MED13: variants seen among roughly 807,000 people sequenced by gnomAD.
MED13 encodes mediator of RNA polymerase II transcription subunit 13.
MED13 carries 23 observed loss-of-function variants against 225.2 expected under a neutral mutation model. The observed-to-expected ratio is 0.10, with a 90% CI of 0.07 to 0.14. The LOEUF (loss-of-function observed/expected upper bound fraction) is 0.14, where lower values mean the gene tolerates loss of function less well. Ranked by LOEUF, MED13 falls within the 10% of genes least tolerant of loss-of-function variation. The probability of loss-of-function intolerance (pLI) is 1.00; values close to 1 mark genes in which losing one functional copy is unlikely to be tolerated. For missense variants in MED13, 2,197 were observed against 2,594.5 expected (o/e 0.85, Z 3.33); for synonymous variants, 942 against 889.2 (o/e 1.06, Z -1.06).
chr17:62,042,008 G>GC (rs896303858), intron 3 of MED13, among the ~76,000 whole-genome samples: 10 of 152,110 alleles, frequency 6.6e-5, no homozygotes, highest in African/African-American at 2.2e-4. Context: ...TAAGACACAG[G>GC]CATCAATAAT....
intron 8 of MED13, among the ~76,000 whole-genome samples, chr17:62,019,415 TC>T (rs2080615607): frequency 6.6e-6 from 1 of 152,182 alleles, no homozygotes; most frequent in South Asian, 2.1e-4. Context: ...TACTTTGCAG[TC>T]TTCGGTAATT....
At position 62,014,558 on chromosome 17, in the gene MED13, C is replaced by T. The variant is rs1056292238; in HGVS notation, c.1284-3325G>A. Among the ~76,000 whole-genome samples, 5 of 152,272 alleles carry T rather than the reference C, an allele frequency of 3.3e-5. No individual in the cohort carries two copies. In the South Asian group the frequency reaches 1.0e-3, roughly 32 times the overall value. ...TCTTGAACTCTTGACCTCAAAAGAT[C>T]TACCCACCTCGGCCTCCCAAAATGC... On this transcript the variant is annotated intron_variant, in intron 8 of 29. Transcript: ENST00000397786.
chr17:61,970,094 A>G (rs1603393937), intron 17 of MED13, among the ~76,000 whole-genome samples: 1 of 152,228 alleles, frequency 6.6e-6, no homozygotes, highest in African/African-American at 2.4e-5. Context: ...GTACTGTTCA[A>G]AGCTCTTTGC....
Position 61,944,041 on chromosome 17 carries a change from A to C in MED13, c.*2427T>G, listed in dbSNP as rs1313799135. 1 of 152,616 alleles carries C rather than the reference A, an allele frequency of 6.6e-6. No homozygotes were observed. Among genetic ancestry groups the C allele is most frequent in the Admixed American group, 6.5e-5 (1 of 15,274 alleles). The allele number at this position is 152,616 out of a possible 1,614,324, so 9.5% of individuals were successfully genotyped here. A position where few individuals can be genotyped will look rare whatever the true frequency, so the allele number is the denominator to read the frequency against. On this transcript the variant is annotated 3_prime_UTR_variant, in exon 30 of 30. Transcript: ENST00000397786. Reference sequence around the variant, plus strand: ...AGTCTACTGAGCTTTTCTAATGGTTATTTAATAACTTTCCATTGAGTTTGA... The same window carrying C: ...AGTCTACTGAGCTTTTCTAATGGTTCTTTAATAACTTTCCATTGAGTTTGA...
Position 61,982,392 on chromosome 17 carries a change from C to T in MED13, c.3611G>A (p.Gly1204Glu). 1 of 1,614,162 alleles carries T rather than the reference C, an allele frequency of 6.2e-7. No individual in the cohort carries two copies. Among genetic ancestry groups the T allele is most frequent in the Non-Finnish European group, 8.5e-7 (1 of 1,180,030 alleles). ...AGGAAAAGGATCTTGGTCTGCTGCT[C>T]CAAAGGGTGAAAATAAATTAGTGCA... ...DQCTNLFSPF[G>E]AADQDPFPKS... Residue 1204 changes from glycine to glutamate, a missense_variant, in exon 16 of 30, where the codon GGA (glycine) becomes GAA (glutamate). Gly to Glu is a moderately conservative substitution (Grantham distance 98). Transcript: ENST00000397786.
rs920207346 is a variant in MED13, at chr17:61,942,834, C to T, written c.*3634G>A. On this transcript the variant is annotated 3_prime_UTR_variant, in exon 30 of 30. Transcript: ENST00000397786. ...TGCTAAACAACAACTTTAAAACGCC[C>T]CTTCATAAAGTGACCAAGCTATTTT... 2.0e-5 allele frequency: 3 copies of T among 152,348 alleles called. No individual in the cohort carries two copies. Among genetic ancestry groups the T allele is most frequent in the Admixed American group, 6.6e-5 (1 of 15,252 alleles). 9.4% of individuals were successfully genotyped at this position (152,348 alleles called of 1,614,324 possible).
At chr17:61,996,414 T>G (rs2080347354) in intron 9 of MED13, among the ~76,000 whole-genome samples, 1 of 152,182 alleles carries the variant, frequency 6.6e-6, no homozygotes, top group Non-Finnish European at 1.5e-5. Context: ...AATGACTATT[T>G]CACTCTGAGA....
At chr17:61,947,117 T>C (rs538717660) in intron 28 of MED13, 100 bp from the exon 29 acceptor site, 2 of 757,784 alleles carry the variant, frequency 2.6e-6, no homozygotes, top group African/African-American at 1.8e-5. Context: ...AATGATGAAA[T>C]ACATTTTAGT....
At chr17:61,961,533 A>AAG in intron 22 of MED13, 55 bp downstream of exon 22, 1 of 1,332,902 alleles carries the variant, frequency 7.5e-7, no homozygotes, top group Non-Finnish European at 1.0e-6. Flanking sequence ...AAAAAAAAAA[A>AAG]AAAAAAAAGG....
intron 1 of MED13, 33 bp downstream of exon 1, chr17:62,065,107 C>A (rs964632467): frequency 8.5e-6 from 13 of 1,521,100 alleles, no homozygotes; most frequent in Non-Finnish European, 1.1e-5. Flanking sequence ...TCGCGGCCCC[C>A]CTCCCTCGGC....
intron 9 of MED13, among the ~76,000 whole-genome samples, chr17:62,008,016 C>CAAAAAAAAAAAAAAAAAAAAA (rs60236710): frequency 3.0e-4 from 15 of 50,504 alleles, no homozygotes; most frequent in African/African-American, 1.0e-3. Flanking sequence ...GAGACTGTCT[C>CAAAAAAAAAAAAAAAAAAAAA]AAAAAAAAAA....
chr17:62,063,193 G>C lies in MED13; in HGVS notation c.175C>G (p.Arg59Gly). Residue 59 changes from arginine to glycine, a missense_variant, in exon 2 of 30, where the codon CGC becomes GGC. Arg to Gly is a moderately radical substitution (Grantham distance 125). Around this residue, in one of 12 missense-constraint regions of MED13, gnomAD observed 884 missense variants for 918.5 expected, o/e 0.96. Transcript: ENST00000397786. ...EEDPILSSFS[R>G]CLKADVLGVW... The stretch of plus-strand genomic sequence containing the variant: ...CCAAGTACATCTGCCTTAAGGCAGC[G>C]ACTAAAACTGCTCAAAATGGGGTCT... 2 of 1,614,094 alleles carry C rather than the reference G, an allele frequency of 1.2e-6. No homozygotes were observed. Among genetic ancestry groups the C allele is most frequent in the Non-Finnish European group, 1.7e-6 (2 of 1,179,990 alleles).
chr17:61,958,524 AGACAGG>A (rs1473328037), intron 23 of MED13, among the ~76,000 whole-genome samples: 2 of 151,878 alleles, frequency 1.3e-5, no homozygotes, highest in Non-Finnish European at 2.9e-5. Flanking sequence ...TTTTTAGTAG[AGACAGG>A]GTTTCAGCAT....
Position 62,065,129 on chromosome 17 carries a change from C to T in MED13, c.66+11G>A, listed in dbSNP as rs745940615. ...CCCCCTCCCTCGGCGCCCGCCGGCC[C>T]CGGCACTCACCAGGCAGAAGAGGTT... On this transcript the variant is annotated intron_variant, in intron 1 of 29. Transcript: ENST00000397786. 1.3e-6 allele frequency: 2 copies of T among 1,554,096 alleles called. No homozygotes were observed. The highest frequency in any genetic ancestry group is 1.7e-6 in the Non-Finnish European group (2 of 1,152,388).
chr17:62,010,821 G>T lies in MED13; in HGVS notation c.1696C>A (p.Pro566Thr). 1 of 1,614,218 alleles carries T rather than the reference G, an allele frequency of 6.2e-7. No individual in the cohort carries two copies. The highest frequency in any genetic ancestry group is 8.5e-7 in the Non-Finnish European group (1 of 1,180,048). ...QSQHFYQMPT[P>T]DPLVPSKPME... ...GGTTTAGAAGGAACCAAGGGATCTG[G>T]TGTTGGCATTTGATAAAAATGTTGA... Residue 566 changes from proline (P) to threonine (T), a missense_variant, in exon 9 of 30, where the codon CCA becomes ACA. Around this residue, in one of 12 missense-constraint regions of MED13, gnomAD observed 884 missense variants for 918.5 expected, o/e 0.96. Transcript: ENST00000397786.
chr17:62,033,651 G>T, intron 5 of MED13, 136 bp downstream of exon 5: 2 of 790,462 alleles, frequency 2.5e-6, no homozygotes, highest in Non-Finnish European at 4.0e-6. Context: ...CTTAAGTAAT[G>T]TGGGCAGGAA....
intron 2 of MED13, among the ~76,000 whole-genome samples, chr17:62,056,307 G>C (rs1378364971): frequency 2.6e-5 from 4 of 152,158 alleles, no homozygotes; most frequent in Non-Finnish European, 5.9e-5. Flanking sequence ...TCAAGGCATA[G>C]TGATATGCAC....
chr17:62,015,939 TATATATATATATATA>T (rs1177637807), intron 8 of MED13, among the ~76,000 whole-genome samples: 13 of 9,682 alleles, frequency 1.3e-3, no homozygotes, highest in Non-Finnish European at 1.6e-3. Context: ...TATATATATA[TATATATATATATATA>T]TTTTTTTTTT....
intron 8 of MED13, among the ~76,000 whole-genome samples, chr17:62,012,327 CTTTTT>C (rs60421231): frequency 5.4e-5 from 7 of 129,636 alleles, no homozygotes; most frequent in Non-Finnish European, 8.1e-5. Context: ...CACTAAGAAA[CTTTTT>C]TTTTTTTTTT....
Sources: allele counts gnomAD v4.1 joint callset (sites outside exome capture counted in the v4.1 genomes callset), GRCh38; gene constraint gnomAD v4.1.1; regional missense constraint gnomAD v4.1.1; transcripts MANE v1.5; gene names NCBI Gene and HGNC (gene_info 2026-07-23, HGNC 2026-07-21).